The following SPAG16 variants were observed in gnomAD, a reference collection of about 807,000 sequenced individuals.
The protein encoded by SPAG16 is sperm associated antigen 16, also known as sperm-associated antigen 16 protein.
SPAG16 carries 86 observed loss-of-function variants against 80.4 expected under a neutral mutation model. That is an observed-to-expected ratio of 1.07 (90% CI 0.90 to 1.28). The LOEUF is 1.28. Ranked by LOEUF, SPAG16 falls within the 50% of genes most tolerant of loss-of-function variation. The pLI is 0.00. For missense variants in SPAG16, 870 were observed against 765.3 expected, an observed-to-expected ratio of 1.14 and a Z score of -1.61; for synonymous variants, 294 against 265.9, an observed-to-expected ratio of 1.11 and a Z score of -1.03.
intron 10 of SPAG16, among the ~76,000 whole-genome samples, chr2:213,607,147 G>T (rs1359261878): frequency 2.0e-5 from 3 of 152,182 alleles, no homozygotes; most frequent in Non-Finnish European, 4.4e-5. Flanking sequence ...AATCAGCCAT[G>T]AAAGTTCTCA....
intron 15 of SPAG16, among the ~76,000 whole-genome samples, chr2:214,371,324 G>A (rs1483815777): frequency 6.6e-6 from 1 of 151,934 alleles, no homozygotes; most frequent in Non-Finnish European, 1.5e-5. Flanking sequence ...CATGAAGTCC[G>A]GAGTTCAAGA....
At chr2:213,597,078 A>T (rs915854084) in intron 10 of SPAG16, among the ~76,000 whole-genome samples, 4 of 152,196 alleles carry the variant, frequency 2.6e-5, no homozygotes, top group East Asian at 1.9e-4. Context: ...TAAAATTGAT[A>T]TGAGAATATG....
chr2:214,091,630 A>T (rs2052216924), intron 13 of SPAG16, among the ~76,000 whole-genome samples: 2 of 152,164 alleles, frequency 1.3e-5, no homozygotes, highest in African/African-American at 4.8e-5. Flanking sequence ...ATGAGATATA[A>T]TCTTGCTATA....
intron 10 of SPAG16, among the ~76,000 whole-genome samples, chr2:213,825,040 A>T (rs1321790267): frequency 6.6e-6 from 1 of 151,996 alleles, no homozygotes; most frequent in Non-Finnish European, 1.5e-5. Flanking sequence ...GTTGGCATGT[A>T]GAAATGTAGA....
At chr2:213,995,476 G>A (rs978904732) in intron 12 of SPAG16, among the ~76,000 whole-genome samples, 5 of 152,210 alleles carry the variant, frequency 3.3e-5, no homozygotes, top group South Asian at 2.1e-4. Flanking sequence ...ATGTATATCC[G>A]TGACACATGA....
intron 15 of SPAG16, among the ~76,000 whole-genome samples, chr2:214,166,250 C>T (rs932285969): frequency 1.3e-5 from 2 of 152,122 alleles, no homozygotes; most frequent in African/African-American, 4.8e-5. Context: ...TCTCCATTGG[C>T]CCCATTCCTC....
chr2:214,088,695 C>T (rs1044261542), intron 13 of SPAG16, among the ~76,000 whole-genome samples: 3 of 151,796 alleles, frequency 2.0e-5, no homozygotes, highest in African/African-American at 2.4e-5. Context: ...GAACCATACC[C>T]TGGGGAAAAA....
chr2:213,615,258 A>G lies in SPAG16; in HGVS notation c.1070+125168A>G, dbSNP rs187885202. Among the ~76,000 whole-genome samples the G allele has an allele frequency of 2.0e-5, 3 of 152,344 alleles. No homozygotes were observed. In the East Asian group the frequency reaches 5.8e-4, roughly 29 times the overall value. ...AATTGTTATTATGAATTAATAATGTATTCGTATTCTTGAGATTTTGCTCAT... is the reference window on the plus strand; with the variant it reads ...AATTGTTATTATGAATTAATAATGTGTTCGTATTCTTGAGATTTTGCTCAT... On this transcript the variant is annotated intron_variant, in intron 10 of 15. Transcript: ENST00000331683.
At position 213,686,683 on chromosome 2, in the gene SPAG16, T is replaced by C. The variant is rs867567567; in HGVS notation, c.1071-175802T>C. Among the ~76,000 whole-genome samples the C allele has an allele frequency of 4.1e-3, 490 of 118,942 alleles. 2 individuals are homozygous for C. Among genetic ancestry groups the C allele is most frequent in the African/African-American group, 0.018 (456 of 25,332 alleles). 78.0% of individuals were successfully genotyped at this position (118,942 alleles called of 152,430 possible). ...TTAGGTATTAATCCACCTTTTTTTT[T>C]TTTTTTTTTTTTTTTTTTTTTGAGA... On this transcript the variant is annotated intron_variant, in intron 10 of 15. Transcript: ENST00000331683.
intron 9 of SPAG16, among the ~76,000 whole-genome samples, chr2:213,472,836 A>G (rs908156850): frequency 8.5e-5 from 13 of 152,222 alleles, no homozygotes; most frequent in African/African-American, 3.1e-4. Context: ...GGCAGTGACC[A>G]TTAGTCCCCG....
At chr2:213,427,255 A>G (rs966267917) in intron 9 of SPAG16, among the ~76,000 whole-genome samples, 23 of 152,270 alleles carry the variant, frequency 1.5e-4, no homozygotes, top group Non-Finnish European at 2.9e-4. Flanking sequence ...TCTAAAGCTA[A>G]CTTTAACTTT....
intron 10 of SPAG16, among the ~76,000 whole-genome samples, chr2:213,830,632 G>A (rs893260596): frequency 1.1e-4 from 17 of 152,104 alleles, no homozygotes; most frequent in Non-Finnish European, 2.2e-4. Context: ...CATGTAAAAT[G>A]TGTAATTCAT....
intron 10 of SPAG16, among the ~76,000 whole-genome samples, chr2:213,515,739 A>G (rs991040060): frequency 9.2e-5 from 14 of 152,308 alleles, no homozygotes; most frequent in African/African-American, 2.6e-4. Flanking sequence ...ATCAGAACAA[A>G]TATAATGAGT....
At chr2:214,319,200 C>CACCACACACACACACA (rs140486125) in intron 15 of SPAG16, among the ~76,000 whole-genome samples, 28 of 142,340 alleles carry the variant, frequency 2.0e-4, no homozygotes, top group South Asian at 2.3e-4. Flanking sequence ...CACACACACA[C>CACCACACACACACACA]CACACACACA....
At chr2:214,390,340 T>TAAAAA (rs1559265384) in intron 15 of SPAG16, among the ~76,000 whole-genome samples, 4 of 129,668 alleles carry the variant, frequency 3.1e-5, no homozygotes, top group African/African-American at 1.3e-4. Context: ...GCTTTTTTTT[T>TAAAAA]TAAAAAAAAA....
intron 15 of SPAG16, among the ~76,000 whole-genome samples, chr2:214,245,663 C>A (rs773465483): frequency 3.9e-5 from 6 of 152,084 alleles, no homozygotes; most frequent in Non-Finnish European, 7.4e-5. Context: ...AACATACATT[C>A]TAGTGTGTAC....
intron 10 of SPAG16, among the ~76,000 whole-genome samples, chr2:213,843,958 T>C (rs1424687324): frequency 6.6e-6 from 1 of 151,990 alleles, no homozygotes; most frequent in African/African-American, 2.4e-5. Flanking sequence ...CTTATAAAAA[T>C]TTTAATTATT....
At chr2:214,227,968 C>T (rs1016282829) in intron 15 of SPAG16, among the ~76,000 whole-genome samples, 1 of 151,922 alleles carries the variant, frequency 6.6e-6, no homozygotes, top group South Asian at 2.1e-4. Flanking sequence ...CTCCCTGAGA[C>T]AGATGGTTAT....
chr2:213,892,541 A>C (rs2076823433), intron 11 of SPAG16, among the ~76,000 whole-genome samples: 1 of 152,184 alleles, frequency 6.6e-6, no homozygotes, highest in African/African-American at 2.4e-5. Context: ...GTTTTAAGAA[A>C]GCTCAGTGAT....
Sources: gnomAD v4.1 joint callset for allele counts (sites outside exome capture counted in the v4.1 genomes callset) on GRCh38, gnomAD v4.1.1 for gene constraint, MANE v1.5 for transcripts, NCBI Gene and HGNC (gene_info 2026-07-23, HGNC 2026-07-21) for gene names.